The following SASH1 variants were observed in gnomAD, a reference collection of about 807,000 sequenced individuals.
SASH1 encodes SAM and SH3 domain-containing protein 1.
In SASH1, 44 loss-of-function variants were observed where a neutral mutation model predicts 125.2. The observed-to-expected ratio is 0.35, with a 90% CI of 0.28 to 0.45. SASH1 has a LOEUF of 0.45. Among genes scored for constraint, SASH1 ranks in the 20% least tolerant of loss-of-function variants. The probability of loss-of-function intolerance (pLI) is 1.00; values close to 1 mark genes in which losing one functional copy is unlikely to be tolerated. For synonymous variants in SASH1, 639 were observed against 649.1 expected, an observed-to-expected ratio of 0.98 and a Z score of 0.24; for missense variants, 1,426 against 1,614.5, an observed-to-expected ratio of 0.88 and a Z score of 2.00.
At chr6:148,524,373 G>A (rs1781010247) in intron 10 of SASH1, 1 of 151,902 alleles carries the variant, frequency 6.6e-6, no homozygotes, top group Admixed American at 6.6e-5. Context: ...ATAATTAGCT[G>A]TAACATTAAT....
chr6:148,298,721 G>GAAGA (rs1779842851), intron 1 of SASH1, among the ~76,000 whole-genome samples: 1 of 96,688 alleles, frequency 1.0e-5, no homozygotes, highest in African/African-American at 4.6e-5. Context: ...AAGAAGGAAG[G>GAAGA]GAAAGGAGGG....
intron 8 of SASH1, among the ~76,000 whole-genome samples, chr6:148,510,670 GC>G (rs1267984216): frequency 1.3e-5 from 2 of 151,800 alleles, no homozygotes; most frequent in African/African-American, 2.4e-5. Flanking sequence ...AAATTCTCAA[GC>G]CCCCATCCCT....
chr6:148,324,849 T>C (rs1178094782), intron 1 of SASH1, among the ~76,000 whole-genome samples: 2 of 152,166 alleles, frequency 1.3e-5, no homozygotes, highest in Non-Finnish European at 2.9e-5. Flanking sequence ...CTGGGCACCC[T>C]AAGTCTGCTA....
At chr6:148,252,782 A>G in the SASH1 span, among the ~76,000 whole-genome samples, 8 of 152,208 alleles carry the variant, frequency 5.3e-5, no homozygotes, top group Non-Finnish European at 1.0e-4. Flanking sequence ...CCCAGCCCAA[A>G]GCTAATTATT....
At chr6:148,229,865 C>A in the SASH1 span, among the ~76,000 whole-genome samples, 1 of 152,046 alleles carries the variant, frequency 6.6e-6, no homozygotes, top group Non-Finnish European at 1.5e-5. Context: ...GTGCATGCCA[C>A]TACACCCAGC....
At chr6:148,380,381 C>G (rs1308409929) in intron 1 of SASH1, among the ~76,000 whole-genome samples, 1 of 152,242 alleles carries the variant, frequency 6.6e-6, no homozygotes, top group Admixed American at 6.5e-5. Context: ...GGTCATATCA[C>G]ATTCAGATCT....
chr6:148,252,624 G>A, the SASH1 span, among the ~76,000 whole-genome samples: 5 of 151,950 alleles, frequency 3.3e-5, no homozygotes, highest in African/African-American at 4.8e-5. Context: ...GATTATAGGC[G>A]CTTGCCACCA....
the SASH1 span, among the ~76,000 whole-genome samples, chr6:148,217,239 G>A: frequency 6.6e-6 from 1 of 152,226 alleles, no homozygotes; most frequent in Non-Finnish European, 1.5e-5. Flanking sequence ...CAGACTGGCT[G>A]TGCCACCTTG....
intron 1 of SASH1, among the ~76,000 whole-genome samples, chr6:148,306,470 T>G (rs1379051441): frequency 1.3e-5 from 2 of 152,210 alleles, no homozygotes; most frequent in Non-Finnish European, 2.9e-5. Context: ...CCACTGCCAC[T>G]TCCTCTATTG....
intron 2 of SASH1, among the ~76,000 whole-genome samples, chr6:148,422,928 T>G (rs1775633340): frequency 6.6e-6 from 1 of 152,080 alleles, no homozygotes; most frequent in South Asian, 2.1e-4. Flanking sequence ...GTGTGTGGTT[T>G]TTTGTTTGTT....
At chr6:148,303,110 A>C (rs942574593) in intron 1 of SASH1, among the ~76,000 whole-genome samples, 11 of 151,954 alleles carry the variant, frequency 7.2e-5, no homozygotes, top group African/African-American at 2.7e-4. Context: ...CCTCCTGAAT[A>C]GCTGGGATTA....
intron 16 of SASH1, among the ~76,000 whole-genome samples, chr6:148,535,529 C>T (rs1781790447): frequency 6.6e-6 from 1 of 152,222 alleles, no homozygotes. Context: ...GGAGACGTCT[C>T]TCCGCAGTGA....
At chr6:148,266,387 C>G in the SASH1 span, among the ~76,000 whole-genome samples, 3 of 152,118 alleles carry the variant, frequency 2.0e-5, no homozygotes, top group African/African-American at 7.2e-5. Flanking sequence ...GAATATGACC[C>G]TTAGCAAGCC....
the SASH1 span, among the ~76,000 whole-genome samples, chr6:148,227,871 A>G: frequency 6.6e-6 from 1 of 152,168 alleles, no homozygotes; most frequent in Admixed American, 6.6e-5. Context: ...GACATGGTGC[A>G]AAGAAGAGGT....
intron 1 of SASH1, among the ~76,000 whole-genome samples, chr6:148,280,060 C>T (rs1474275865): frequency 1.4e-5 from 1 of 69,998 alleles, no homozygotes; most frequent in Non-Finnish European, 2.9e-5. Flanking sequence ...TAACATCATT[C>T]CCCCCCATCA....
chr6:148,369,966 C>CAAAAAAAAAAAAAAAAAAAAAAAAAA (rs562924566), intron 1 of SASH1, among the ~76,000 whole-genome samples: 5 of 93,578 alleles, frequency 5.3e-5, no homozygotes, highest in Admixed American at 1.3e-4. Flanking sequence ...AAAAGAAAAA[C>CAAAAAAAAAAAAAAAAAAAAAAAAAA]AAAAAAAAAA....
chr6:148,453,572 A>G lies in SASH1; in HGVS notation c.386+13165A>G, dbSNP rs376754043. 3.3e-5 allele frequency among the ~76,000 whole-genome samples: 5 copies of G among 152,246 alleles called. No individual in the cohort carries two copies. In the South Asian group the frequency reaches 1.0e-3, roughly 32 times the overall value. On this transcript the variant is annotated intron_variant, in intron 4 of 19. Transcript: ENST00000367467. ...AGCTCTGTTTATCTGCAAGGGGCAGACTGCTTCTCATCCACCCAACTACAG... is the reference window on the plus strand; with the variant it reads ...AGCTCTGTTTATCTGCAAGGGGCAGGCTGCTTCTCATCCACCCAACTACAG...
At chr6:148,218,036 A>T in the SASH1 span, among the ~76,000 whole-genome samples, 491 of 151,656 alleles carry the variant, frequency 3.2e-3, 4 homozygotes, top group East Asian at 0.015. Context: ...AATAAATAAA[A>T]AAAATGAATC....
At chr6:148,536,493 C>T (rs757158254) in intron 16 of SASH1, among the ~76,000 whole-genome samples, 61 of 152,282 alleles carry the variant, frequency 4.0e-4, no homozygotes, top group African/African-American at 1.4e-3. Flanking sequence ...GCATGCACCA[C>T]TACGCATGGC....
Sources: allele counts gnomAD v4.1 joint callset (sites outside exome capture counted in the v4.1 genomes callset), GRCh38; gene constraint gnomAD v4.1.1; transcripts MANE v1.5; gene names NCBI Gene and HGNC (gene_info 2026-07-23, HGNC 2026-07-21).